INSIG2: variants seen among roughly 807,000 people sequenced by gnomAD.
INSIG2 encodes the protein insulin-induced gene 2 protein.
INSIG2 carries 10 observed loss-of-function variants against 27.2 expected under a neutral mutation model. That is an observed-to-expected ratio of 0.37 (90% CI 0.23 to 0.62). The LOEUF is 0.62. INSIG2 is among the 20% of genes least tolerant of loss of function. INSIG2 has a pLI of 0.65. For synonymous variants in INSIG2, 97 were observed against 95.8 expected (o/e 1.01, Z -0.07); for missense variants, 178 against 270.2 (o/e 0.66, Z 2.39).
Position 118,108,610 on chromosome 2 carries a change from T to C in INSIG2, c.*288T>C, listed in dbSNP as rs559207378. On this transcript the variant is annotated 3_prime_UTR_variant, in exon 6 of 6. Coordinates refer to ENST00000245787, the MANE Select transcript of INSIG2 (RefSeq NM_016133.4). ...TTGATTAATAGATGAAATTTTTAAATTAATTTTTTAAAACATGCCATACAT... is the reference window on the plus strand; with the variant it reads ...TTGATTAATAGATGAAATTTTTAAACTAATTTTTTAAAACATGCCATACAT... 1 of 234,478 alleles carries C rather than the reference T, an allele frequency of 4.3e-6. No individual in the cohort carries two copies. The highest frequency in any genetic ancestry group is 5.8e-5 in the Admixed American group (1 of 17,270). 14.5% of individuals were successfully genotyped at this position (234,478 alleles called of 1,614,324 possible). A position where few individuals can be genotyped will look rare whatever the true frequency, so the allele number is the denominator to read the frequency against.
At chr2:118,090,973 T>C (rs965465376) in intron 1 of INSIG2, among the ~76,000 whole-genome samples, 3 of 152,230 alleles carry the variant, frequency 2.0e-5, no homozygotes, top group African/African-American at 4.8e-5. Flanking sequence ...CTTTAAACAG[T>C]ATCTTTATAC....
At chr2:118,099,367 C>T (rs1678487300) in intron 2 of INSIG2, among the ~76,000 whole-genome samples, 1 of 152,192 alleles carries the variant, frequency 6.6e-6, no homozygotes, top group Non-Finnish European at 1.5e-5. Flanking sequence ...CCACCTTTCT[C>T]TATAGCACAA....
chr2:118,103,156 A>C (rs1261782547), intron 2 of INSIG2, 41 bp from the exon 3 acceptor site: 1 of 1,589,642 alleles, frequency 6.3e-7, no homozygotes, highest in African/African-American at 1.3e-5. Context: ...TTGCCAGTAC[A>C]ACATTGGAGG....
Position 118,107,197 on chromosome 2 carries a change from G to T in INSIG2, c.636+8G>T. On this transcript the variant is annotated splice_region_variant and intron_variant, in intron 5 of 5. Transcript: ENST00000245787. ...GGTCGACAACTGGCAATGGTAAGCT[G>T]ATGCTCACTTTTCTGAATAAGATGT... 1 of 1,579,798 alleles carries T rather than the reference G, an allele frequency of 6.3e-7. No homozygotes were observed. Among genetic ancestry groups the T allele is most frequent in the Non-Finnish European group, 8.7e-7 (1 of 1,149,538 alleles).
intron 5 of INSIG2, 31 bp from the exon 6 acceptor site, chr2:118,108,250 T>C: frequency 6.7e-7 from 1 of 1,503,476 alleles, no homozygotes; most frequent in Non-Finnish European, 9.1e-7. Flanking sequence ...AGTCTTAATC[T>C]GTTAACCTTT....
rs1400268619 is a variant in INSIG2 at position 118,110,763 on chromosome 2, G to A, written c.*2441G>A. The stretch of plus-strand genomic sequence containing the variant: ...GCTTTCTTTTATTATTTCAAGTTAT[G>A]GAAATTTGCACAGTTGAAAACTGGG... On this transcript the variant is annotated 3_prime_UTR_variant, in exon 6 of 6. Coordinates refer to ENST00000245787, the MANE Select transcript of INSIG2 (RefSeq NM_016133.4). 6.6e-6 allele frequency: 1 copy of A among 152,086 alleles called. No homozygotes were observed. The highest frequency in any genetic ancestry group is 1.5e-5 in the Non-Finnish European group (1 of 68,018). 9.4% of individuals were successfully genotyped at this position (152,086 alleles called of 1,614,324 possible).
intron 2 of INSIG2, among the ~76,000 whole-genome samples, chr2:118,099,601 A>T (rs192739835): frequency 1.3e-5 from 2 of 152,382 alleles, no homozygotes; most frequent in East Asian, 3.8e-4. Context: ...AAATAGAAAA[A>T]GACAACTCGT....
intron 1 of INSIG2, among the ~76,000 whole-genome samples, chr2:118,094,665 A>G (rs1302459416): frequency 1.3e-5 from 2 of 152,200 alleles, no homozygotes. Flanking sequence ...TGAATGTTGA[A>G]CACAGAGCTT....
chr2:118,106,256 C>T (rs1345989194), intron 3 of INSIG2, among the ~76,000 whole-genome samples: 2 of 152,178 alleles, frequency 1.3e-5, no homozygotes, highest in African/African-American at 4.8e-5. Context: ...ATGTGGTACC[C>T]TGTTAAATAG....
At position 118,104,621 on chromosome 2, in the gene INSIG2, A is replaced by G. The variant is rs114255281; in HGVS notation, c.369+1300A>G. Among the ~76,000 whole-genome samples, 703 of 152,342 alleles carry G rather than the reference A, an allele frequency of 4.6e-3. 5 individuals are homozygous for G. Among genetic ancestry groups the G allele is most frequent in the East Asian group, 0.011 (59 of 5,180 alleles). ...AGTTCCACATTTTCTTTGTAAAGAT[A>G]ATAAACAGAAGCTAAAGAGGTTAGG... On this transcript the variant is annotated intron_variant, in intron 3 of 5. Transcript: ENST00000245787.
chr2:118,104,336 A>G (rs1465056456), intron 3 of INSIG2, among the ~76,000 whole-genome samples: 6 of 152,180 alleles, frequency 3.9e-5, no homozygotes, highest in Non-Finnish European at 8.8e-5. Context: ...GAAACCATAG[A>G]AAAGAGCAGG....
Position 118,096,247 on chromosome 2 carries a change from C to G in INSIG2, c.-138-172C>G, listed in dbSNP as rs1678400989. 3.9e-5 allele frequency among the ~76,000 whole-genome samples: 6 copies of G among 152,102 alleles called. No homozygotes were observed. The South Asian group carries it at 1.2e-3, about 32-fold the overall frequency. ...TTATTACGTCTTGCATATAAAAATACTTTTAAAACTTTTTCTTATTCAATA... is the reference window on the plus strand; with the variant it reads ...TTATTACGTCTTGCATATAAAAATAGTTTTAAAACTTTTTCTTATTCAATA... On this transcript the variant is annotated intron_variant, in intron 1 of 5. Transcript: ENST00000245787.
At chr2:118,099,450 C>CT (rs1228848205) in intron 2 of INSIG2, among the ~76,000 whole-genome samples, 2 of 152,026 alleles carry the variant, frequency 1.3e-5, no homozygotes, top group Non-Finnish European at 1.5e-5. Context: ...ATTTTGATGA[C>CT]TTTTTTTTCT....
chr2:118,093,956 G>T (rs375057986), intron 1 of INSIG2, among the ~76,000 whole-genome samples: 33 of 72,938 alleles, frequency 4.5e-4, no homozygotes, highest in East Asian at 9.2e-4. Flanking sequence ...AGGAGGAGGA[G>T]GAGGAGGAGG....
intron 3 of INSIG2, 104 bp from the exon 4 acceptor site, chr2:118,106,633 G>A (rs187678305): frequency 6.0e-6 from 5 of 836,854 alleles, no homozygotes; most frequent in Non-Finnish European, 1.9e-6. Context: ...TTGAGTAGAA[G>A]CAATTAATTC....
At chr2:118,104,425 C>T (rs545117081) in intron 3 of INSIG2, among the ~76,000 whole-genome samples, 1 of 152,148 alleles carries the variant, frequency 6.6e-6, no homozygotes, top group African/African-American at 2.4e-5. Context: ...TTGGAAGTCC[C>T]TCAGTGGCTA....
rs760155161 is a variant in INSIG2 at position 118,092,859 on chromosome 2, A to AGAT, written c.-138-3536_-138-3534dup. Among the ~76,000 whole-genome samples the AGAT allele has an allele frequency of 4.1e-3, 608 of 148,250 alleles. 3 individuals are homozygous for AGAT. Among genetic ancestry groups the AGAT allele is most frequent in the Middle Eastern group, 0.011 (3 of 274 alleles). ...CTACTGAACCTTGCTAAAAGCAACC[A>AGAT]GATGATGATGATGATGATGATGATG... On this transcript the variant is annotated intron_variant, in intron 1 of 5. Coordinates refer to ENST00000245787, the MANE Select transcript of INSIG2 (RefSeq NM_016133.4).
At chr2:118,091,039 A>G (rs1349326253) in intron 1 of INSIG2, among the ~76,000 whole-genome samples, 1 of 152,206 alleles carries the variant, frequency 6.6e-6, no homozygotes, top group Admixed American at 6.5e-5. Flanking sequence ...AATTTTTCAA[A>G]TATAGATTTT....
intron 4 of INSIG2, 66 bp from the exon 5 acceptor site, chr2:118,107,024 A>G (rs1678689227): frequency 6.8e-7 from 1 of 1,459,990 alleles, no homozygotes; most frequent in Non-Finnish European, 9.6e-7. Flanking sequence ...GTTTATTTTC[A>G]TTGTAATTAT....
Sources: allele counts gnomAD v4.1 joint callset (sites outside exome capture counted in the v4.1 genomes callset), GRCh38; gene constraint gnomAD v4.1.1; transcripts MANE v1.5; gene names NCBI Gene and HGNC (gene_info 2026-07-23, HGNC 2026-07-21).